Variants in MACROD2 observed in about 807,000 individuals in gnomAD.
MACROD2 encodes mono-ADP ribosylhydrolase 2.
Under a neutral mutation model 70.4 loss-of-function variants are expected in MACROD2, and 36 were observed. That is an observed-to-expected ratio of 0.51 (90% CI 0.39 to 0.68). The LOEUF is 0.68. Ranked by LOEUF, MACROD2 falls within the 30% of genes least tolerant of loss-of-function variation. The probability of loss-of-function intolerance (pLI) is 0.00; values close to 1 mark genes in which losing one functional copy is unlikely to be tolerated. For synonymous variants in MACROD2, 172 were observed against 178.8 expected (o/e 0.96, Z 0.30); for missense variants, 496 against 538.4 (o/e 0.92, Z 0.78).
intron 8 of MACROD2, among the ~76,000 whole-genome samples, chr20:15,678,363 C>CT (rs534273474): frequency 0.11 from 15,471 of 143,578 alleles, 825 homozygotes; most frequent in South Asian, 0.17. Flanking sequence ...AAGGCCCCAT[C>CT]TTTTTTTTTT....
chr20:14,390,693 A>G (rs901960649), intron 3 of MACROD2, among the ~76,000 whole-genome samples: 1 of 152,238 alleles, frequency 6.6e-6, no homozygotes, highest in Admixed American at 6.5e-5. Context: ...AGCCATATAC[A>G]GAGATTAAAA....
intron 8 of MACROD2, among the ~76,000 whole-genome samples, chr20:15,626,364 T>C (rs913496161): frequency 1.3e-5 from 2 of 152,206 alleles, no homozygotes; most frequent in African/African-American, 4.8e-5. Flanking sequence ...GAGATGCAAA[T>C]AGTTTTCAAA....
intron 5 of MACROD2, among the ~76,000 whole-genome samples, chr20:15,211,849 T>G (rs2076766716): frequency 6.6e-6 from 1 of 152,230 alleles, no homozygotes; most frequent in African/African-American, 2.4e-5. Context: ...TAAGTTTTTG[T>G]GTGGACATGT....
At chr20:15,090,120 G>A (rs555153414) in intron 5 of MACROD2, among the ~76,000 whole-genome samples, 2 of 151,930 alleles carry the variant, frequency 1.3e-5, no homozygotes, top group African/African-American at 4.8e-5. Flanking sequence ...TGATATTTAT[G>A]TATAAATTCT....
chr20:15,802,744 A>C (rs758504488), intron 8 of MACROD2, among the ~76,000 whole-genome samples: 2 of 152,138 alleles, frequency 1.3e-5, no homozygotes, highest in Non-Finnish European at 2.9e-5. Flanking sequence ...TTTTTTGAAA[A>C]GATAAACAAA....
At chr20:15,440,237 C>T (rs1271779733) in intron 7 of MACROD2, among the ~76,000 whole-genome samples, 1 of 152,084 alleles carries the variant, frequency 6.6e-6, no homozygotes, top group African/African-American at 2.4e-5. Context: ...GTTTGCTTTC[C>T]AGGTATGACG....
At chr20:15,598,108 G>A (rs2048770214) in intron 8 of MACROD2, among the ~76,000 whole-genome samples, 1 of 152,100 alleles carries the variant, frequency 6.6e-6, no homozygotes, top group African/African-American at 2.4e-5. Context: ...AGGTAAAGGA[G>A]GAAGGATGAC....
At chr20:14,741,393 G>T (rs1568769649) in intron 5 of MACROD2, among the ~76,000 whole-genome samples, 1 of 152,080 alleles carries the variant, frequency 6.6e-6, no homozygotes, top group East Asian at 1.9e-4. Flanking sequence ...TACCACATTG[G>T]TCATCCTCTA....
chr20:15,528,126 C>A (rs1280172803), intron 8 of MACROD2, among the ~76,000 whole-genome samples: 1 of 140,678 alleles, frequency 7.1e-6, no homozygotes, highest in Non-Finnish European at 1.5e-5. Context: ...GGGTATTTGG[C>A]AACGTCTGGA....
chr20:15,258,965 AT>A (rs2077223981), intron 6 of MACROD2, among the ~76,000 whole-genome samples: 2 of 152,048 alleles, frequency 1.3e-5, no homozygotes, highest in Non-Finnish European at 1.5e-5. Context: ...TTTTGGAATT[AT>A]CATTTCTTCT....
At position 14,536,282 on chromosome 20, in the gene MACROD2, C is replaced by T. The variant is rs932701239; in HGVS notation, c.301+42774C>T. 3.3e-5 allele frequency among the ~76,000 whole-genome samples: 5 copies of T among 152,074 alleles called. 1 individual carries two copies. Among genetic ancestry groups the T allele is most frequent in the East Asian group, 3.9e-4 (2 of 5,192 alleles). ...TTCTCCATTAACATAAGTGGAATTT[C>T]GACTAGCCAACACTTTGAACTTTTA... On this transcript the variant is annotated intron_variant, in intron 4 of 17. Coordinates refer to ENST00000684519, the MANE Select transcript of MACROD2 (RefSeq NM_001351661.2).
intron 5 of MACROD2, among the ~76,000 whole-genome samples, chr20:15,189,393 AAGAG>A (rs1474169079): frequency 2.6e-5 from 4 of 152,190 alleles, no homozygotes; most frequent in Admixed American, 1.3e-4. Flanking sequence ...CAGAGAGAGA[AAGAG>A]AGAAGCTGAA....
chr20:14,701,209 T>C (rs548865692), intron 5 of MACROD2, among the ~76,000 whole-genome samples: 1 of 152,302 alleles, frequency 6.6e-6, no homozygotes, highest in East Asian at 1.9e-4. Context: ...TTCTGCCTTT[T>C]GTATTTCCAT....
chr20:14,073,696 C>A lies in MACROD2; in HGVS notation c.164-11925C>A, dbSNP rs140174692. ...CTAATTTCTTGGAGTGAGCTCATAT[C>A]GAAAGTTTTTCACATTTTCTCTGAC... is the stretch of plus-strand genomic sequence containing the variant. On this transcript the variant is annotated intron_variant, in intron 2 of 17. Transcript: ENST00000684519. Among the ~76,000 whole-genome samples the A allele has an allele frequency of 1.4e-3, 210 of 152,138 alleles. 1 individual carries two copies. The highest frequency in any genetic ancestry group is 4.3e-3 in the African/African-American group (180 of 41,506).
intron 8 of MACROD2, among the ~76,000 whole-genome samples, chr20:15,590,527 C>T (rs1165590985): frequency 6.6e-6 from 1 of 152,184 alleles, no homozygotes; most frequent in Non-Finnish European, 1.5e-5. Flanking sequence ...TTGAGTCTTT[C>T]TTTTCTGGTG....
chr20:15,783,184 G>C (rs932330886), intron 8 of MACROD2, among the ~76,000 whole-genome samples: 53 of 151,728 alleles, frequency 3.5e-4, no homozygotes, highest in Admixed American at 1.9e-3. Context: ...TTTTCTATTT[G>C]CATAAAAATT....
intron 12 of MACROD2, among the ~76,000 whole-genome samples, chr20:15,964,897 G>A (rs2066117022): frequency 6.6e-6 from 1 of 152,180 alleles, no homozygotes; most frequent in Non-Finnish European, 1.5e-5. Flanking sequence ...TGATGTGTGT[G>A]GAGGTAGAAC....
chr20:14,290,121 A>C (rs1394337751), intron 3 of MACROD2, among the ~76,000 whole-genome samples: 1 of 152,182 alleles, frequency 6.6e-6, no homozygotes, highest in East Asian at 1.9e-4. Flanking sequence ...TTACCACCAC[A>C]GCTGTTTTCT....
intron 5 of MACROD2, among the ~76,000 whole-genome samples, chr20:14,723,502 T>C (rs2071493615): frequency 6.6e-6 from 1 of 151,164 alleles, no homozygotes; most frequent in Admixed American, 6.6e-5. Context: ...GTATTTTTTT[T>C]ATCCCTCGGA....
Sources: gnomAD v4.1 joint callset for allele counts (sites outside exome capture counted in the v4.1 genomes callset) on GRCh38, gnomAD v4.1.1 for gene constraint, MANE v1.5 for transcripts, NCBI Gene and HGNC (gene_info 2026-07-23, HGNC 2026-07-21) for gene names.